MARCHF1: variants seen among roughly 807,000 people sequenced by gnomAD.
The protein encoded by MARCHF1 is E3 ubiquitin-protein ligase MARCHF1.
In MARCHF1, 40 loss-of-function variants were observed where a neutral mutation model predicts 54.2. That is an observed-to-expected ratio of 0.74 (90% confidence interval 0.57 to 0.96). MARCHF1 has a LOEUF of 0.96. MARCHF1 is among the 40% of genes least tolerant of loss of function. The probability of loss-of-function intolerance (pLI) is 0.00; values close to 1 mark genes in which losing one functional copy is unlikely to be tolerated. For synonymous variants in MARCHF1, 236 were observed against 236.3 expected, an observed-to-expected ratio of 1.00 and a Z score of 0.01; for missense variants, 586 against 656.5, an observed-to-expected ratio of 0.89 and a Z score of 1.17.
intron 3 of MARCHF1, among the ~76,000 whole-genome samples, chr4:163,856,081 C>G (rs1356072144): frequency 6.6e-6 from 1 of 152,052 alleles, no homozygotes; most frequent in Non-Finnish European, 1.5e-5. Flanking sequence ...CTGCCTGCTC[C>G]CCCTAATCAT....
At chr4:164,235,512 T>C (rs930419444) in intron 1 of MARCHF1, among the ~76,000 whole-genome samples, 5 of 152,132 alleles carry the variant, frequency 3.3e-5, no homozygotes, top group African/African-American at 1.2e-4. Flanking sequence ...ATTTCTCTTC[T>C]ACTCTTCTTT....
At chr4:163,622,473 C>A (rs930873824) in intron 5 of MARCHF1, among the ~76,000 whole-genome samples, 36 of 152,102 alleles carry the variant, frequency 2.4e-4, no homozygotes, top group Non-Finnish European at 4.7e-4. Flanking sequence ...TCATTTCCCA[C>A]ATCTACAGTA....
intron 1 of MARCHF1, among the ~76,000 whole-genome samples, chr4:164,315,864 G>A (rs1396458767): frequency 1.3e-5 from 2 of 152,152 alleles, no homozygotes; most frequent in Non-Finnish European, 2.9e-5. Context: ...ACATCAACCT[G>A]ATTTTAGAGA....
intron 5 of MARCHF1, among the ~76,000 whole-genome samples, chr4:163,655,583 C>A (rs1329793625): frequency 6.6e-6 from 1 of 151,894 alleles, no homozygotes; most frequent in African/African-American, 2.4e-5. Context: ...GGACTCTCTA[C>A]CCAAAACAAC....
intron 5 of MARCHF1, among the ~76,000 whole-genome samples, chr4:163,690,767 C>T (rs1475519550): frequency 7.2e-5 from 11 of 152,134 alleles, no homozygotes; most frequent in Admixed American, 3.3e-4. Flanking sequence ...CTAACCAAAG[C>T]GAGCTAGAAT....
intron 2 of MARCHF1, among the ~76,000 whole-genome samples, chr4:164,066,454 T>C (rs1754732172): frequency 6.6e-6 from 1 of 152,178 alleles, no homozygotes; most frequent in Non-Finnish European, 1.5e-5. Context: ...TGAAAGACAG[T>C]GTGGCATTTC....
intron 1 of MARCHF1, among the ~76,000 whole-genome samples, chr4:164,378,428 C>A (rs1731263267): frequency 6.6e-6 from 1 of 152,228 alleles, no homozygotes; most frequent in Non-Finnish European, 1.5e-5. Flanking sequence ...TGAGTGGAGG[C>A]TAAGACACTG....
At chr4:163,626,415 A>G (rs1276246099) in intron 5 of MARCHF1, among the ~76,000 whole-genome samples, 2 of 152,244 alleles carry the variant, frequency 1.3e-5, no homozygotes, top group Admixed American at 6.5e-5. Context: ...GGAGAACCCA[A>G]TATATAATTT....
At chr4:164,142,518 A>AC (rs1553985984) in intron 1 of MARCHF1, among the ~76,000 whole-genome samples, 2 of 151,836 alleles carry the variant, frequency 1.3e-5, no homozygotes, top group Non-Finnish European at 2.9e-5. Context: ...CTGACCCCTG[A>AC]CCCCCCAGCA....
At chr4:163,890,213 C>T (rs576062533) in intron 3 of MARCHF1, among the ~76,000 whole-genome samples, 4 of 151,896 alleles carry the variant, frequency 2.6e-5, no homozygotes, top group South Asian at 4.2e-4. Context: ...GGATTACAGG[C>T]GTGAGCCACC....
intron 1 of MARCHF1, among the ~76,000 whole-genome samples, chr4:164,179,768 T>C (rs1031778816): frequency 4.0e-5 from 6 of 151,862 alleles, no homozygotes; most frequent in Non-Finnish European, 8.8e-5. Context: ...AATATCTCTT[T>C]TTTAAAAAAG....
In MARCHF1 at chr4:164,101,023, T is replaced by C. The variant is rs551201913; in HGVS notation, c.-248+10565A>G. Reference sequence around the variant, plus strand: ...GACGGACTGCACCTGGAAAATCAGGTCACTCCCACCCGAATACTGCGCTTT... The same window carrying C: ...GACGGACTGCACCTGGAAAATCAGGCCACTCCCACCCGAATACTGCGCTTT... On this transcript the variant is annotated intron_variant, in intron 2 of 9. Coordinates refer to ENST00000514618, the MANE Select transcript of MARCHF1 (RefSeq NM_001394959.1). Among the ~76,000 whole-genome samples the C allele has an allele frequency of 1.7e-4, 26 of 152,310 alleles. No homozygotes were observed. The East Asian group carries it at 3.3e-3, about 19-fold the overall frequency.
chr4:164,205,027 TGAGA>T (rs1043320463), intron 1 of MARCHF1, among the ~76,000 whole-genome samples: 1 of 152,218 alleles, frequency 6.6e-6, no homozygotes, highest in East Asian at 1.9e-4. Context: ...ACATTTTCTT[TGAGA>T]GAATGTCTTA....
At chr4:163,770,360 A>G (rs543850079) in intron 4 of MARCHF1, among the ~76,000 whole-genome samples, 4 of 152,356 alleles carry the variant, frequency 2.6e-5, no homozygotes, top group African/African-American at 7.2e-5. Context: ...GATTGTGTAT[A>G]GTAAATAAAA....
In MARCHF1 at chr4:164,034,110, G is replaced by GATAGACAGATAT. The variant is rs1553971761; in HGVS notation, c.-247-45402_-247-45401insATATCTGTCTAT. On this transcript the variant is annotated intron_variant, in intron 2 of 9. Coordinates refer to ENST00000514618, the MANE Select transcript of MARCHF1 (RefSeq NM_001394959.1). ...AGATAGATAGATAGATAGATAGATA[G>GATAGACAGATAT]ATAGATAGAGATATATACATACCAT... Among the ~76,000 whole-genome samples the GATAGACAGATAT allele has an allele frequency of 3.6e-3, 512 of 141,860 alleles. 4 individuals are homozygous for GATAGACAGATAT. Among genetic ancestry groups the GATAGACAGATAT allele is most frequent in the African/African-American group, 0.012 (438 of 35,624 alleles). The allele number at this position is 141,860 out of a possible 152,430, so 93.1% of individuals were successfully genotyped here.
intron 7 of MARCHF1, among the ~76,000 whole-genome samples, chr4:163,592,897 G>T (rs1740638686): frequency 6.6e-6 from 1 of 152,026 alleles, no homozygotes; most frequent in African/African-American, 2.4e-5. Context: ...CTATTGATGT[G>T]TGTAGCCCCT....
At chr4:163,896,996 C>T (rs191494297) in intron 3 of MARCHF1, among the ~76,000 whole-genome samples, 2 of 152,176 alleles carry the variant, frequency 1.3e-5, no homozygotes, top group African/African-American at 4.8e-5. Flanking sequence ...GCTCTTATCT[C>T]ATTGCTCATT....
At chr4:163,581,870 A>T (rs942604391) in intron 8 of MARCHF1, among the ~76,000 whole-genome samples, 52 of 152,194 alleles carry the variant, frequency 3.4e-4, no homozygotes, top group African/African-American at 1.2e-3. Context: ...TAAAGCAAAG[A>T]TAATTTATTC....
At chr4:163,774,255 GA>G (rs1402155190) in intron 4 of MARCHF1, among the ~76,000 whole-genome samples, 5 of 152,098 alleles carry the variant, frequency 3.3e-5, no homozygotes, top group Admixed American at 6.5e-5. Flanking sequence ...AATAGTAAAA[GA>G]AAAACATTTG....
Sources: allele counts gnomAD v4.1 joint callset (sites outside exome capture counted in the v4.1 genomes callset), GRCh38; gene constraint gnomAD v4.1.1; transcripts MANE v1.5; gene names NCBI Gene and HGNC (gene_info 2026-07-23, HGNC 2026-07-21).